The following NKTR variants were observed in gnomAD, a reference collection of about 807,000 sequenced individuals.
The protein encoded by NKTR is natural killer cell triggering receptor, also known as NK-tumor recognition protein.
Under a neutral mutation model 156.3 loss-of-function variants are expected in NKTR, and 67 were observed. The observed-to-expected ratio is 0.43, with a 90% CI of 0.35 to 0.53. The LOEUF (loss-of-function observed/expected upper bound fraction) is 0.53, where lower values mean the gene tolerates loss of function less well. Ranked by LOEUF, NKTR falls within the 20% of genes least tolerant of loss-of-function variation. NKTR has a pLI of 0.01. For synonymous variants in NKTR, 640 were observed against 596.6 expected (o/e 1.07, Z -1.06); for missense variants, 1,604 against 1,730.9 (o/e 0.93, Z 1.30).
intron 2 of NKTR, chr3:42,603,025 CAAAA>C (rs35896209): frequency 3.9e-5 from 4 of 102,738 alleles, no homozygotes; most frequent in East Asian, 2.4e-4. Context: ...GACCCTGTCT[CAAAA>C]AAAAAAAAAA....
intron 2 of NKTR, among the ~76,000 whole-genome samples, chr3:42,610,776 T>G (rs1356149880): frequency 6.6e-6 from 1 of 152,166 alleles, no homozygotes; most frequent in African/African-American, 2.4e-5. Context: ...TTCAAAAAAA[T>G]TAAGCTTTTC....
chr3:42,617,605 T>C lies in NKTR; in HGVS notation c.94T>C (p.Cys32Arg). 1 of 1,606,402 alleles carries C rather than the reference T, an allele frequency of 6.2e-7. No homozygotes were observed. The highest frequency in any genetic ancestry group is 8.5e-7 in the Non-Finnish European group (1 of 1,173,252). The change falls in exon 3 of 17, where the codon TGT becomes CGT. Residue 32 changes from cysteine (C) to arginine (R), a missense_variant. By Grantham distance (180) the Cys-to-Arg change is radical. This residue lies in a region of NKTR where 73 missense variants were observed against 90.7 expected (regional missense o/e 0.80). Transcript: ENST00000232978. ...RIMFQLFSDI[C>R]PKTCKNFLCL... is the part of the protein sequence containing the mutation. The stretch of plus-strand genomic sequence containing the variant: ...TATGTTTCAGCTCTTCTCAGACATA[T>C]GTCCAAAAACATGCAAAAACTTCCT...
At chr3:42,620,082 G>T (rs760849991) in intron 5 of NKTR, 2 of 1,531,918 alleles carry the variant, frequency 1.3e-6, no homozygotes, top group Non-Finnish European at 1.7e-6. Context: ...CTCCAATTCT[G>T]TTCCCTTGCA....
At chr3:42,633,024 C>T (rs1462887071) in intron 9 of NKTR, 30 of 1,262,714 alleles carry the variant, frequency 2.4e-5, no homozygotes, top group African/African-American at 6.2e-5. Context: ...TTTCAGTTTT[C>T]GGGTGAAAAT....
rs2125830668 is a variant in NKTR, at chr3:42,646,302, A to G, written c.*327A>G. On this transcript the variant is annotated 3_prime_UTR_variant, in exon 17 of 17. Transcript: ENST00000232978. The stretch of plus-strand genomic sequence containing the variant: ...CACTCTATCTTACGTATCCCTTAGA[A>G]TACAGATTCTTTTTGCCTGTTTTTC... 2 of 224,178 alleles carry G rather than the reference A, an allele frequency of 8.9e-6. No individual in the cohort carries two copies. The highest frequency in any genetic ancestry group is 1.1e-4 in the East Asian group (1 of 9,458). The allele number at this position is 224,178 out of a possible 1,614,324, so 13.9% of individuals were successfully genotyped here. A position where few individuals can be genotyped will look rare whatever the true frequency, so the allele number is the denominator to read the frequency against.
rs758424745 is a variant in NKTR at position 42,644,034 on chromosome 3, G to T, written c.4301+31G>T. 21 of 1,480,212 alleles carry T rather than the reference G, an allele frequency of 1.4e-5. No homozygotes were observed. In the South Asian group the frequency reaches 2.3e-4, roughly 16 times the overall value. 91.7% of individuals were successfully genotyped at this position (1,480,212 alleles called of 1,614,324 possible). A position where few individuals can be genotyped will look rare whatever the true frequency, so the allele number is the denominator to read the frequency against. ...TCTCTCTCCTTTATCGTCCTTTATC[G>T]CACTGTAGGCCACGGTGGGCACTTG... On this transcript the variant is annotated intron_variant, in intron 16 of 16. Coordinates refer to ENST00000232978, the MANE Select transcript of NKTR (RefSeq NM_005385.4).
At chr3:42,632,146 T>C (rs2125806979) in intron 8 of NKTR, among the ~76,000 whole-genome samples, 1 of 143,678 alleles carries the variant, frequency 7.0e-6, no homozygotes, top group East Asian at 2.3e-4. Context: ...CTCGGCTCAC[T>C]GCAACCTCTG....
intron 6 of NKTR, among the ~76,000 whole-genome samples, chr3:42,622,261 A>G (rs1707987638): frequency 1.3e-5 from 2 of 152,070 alleles, no homozygotes; most frequent in Admixed American, 1.3e-4. Flanking sequence ...TTTTAGTTAT[A>G]TTCTTATCTA....
chr3:42,639,657 G>A lies in NKTR; in HGVS notation c.3953G>A (p.Arg1318Gln), dbSNP rs1434684415. ...CAGTCCAGGAGTCCAAGTAGATCTC[G>A]AAGTAAATCTGAAACCAAATCAAGA... ...DSQSRSPSRS[R>Q]SKSETKSRHR... The change falls in exon 13 of 17, where the codon CGA (arginine) becomes CAA (glutamine). Residue 1318 changes from arginine (R) to glutamine (Q), a missense_variant. By Grantham distance (43) the Arg-to-Gln change is conservative. Coordinates refer to ENST00000232978, the MANE Select transcript of NKTR (RefSeq NM_005385.4). 6.2e-6 allele frequency: 10 copies of A among 1,613,912 alleles called. No homozygotes were observed. Among genetic ancestry groups the A allele is most frequent in the East Asian group, 2.2e-5 (1 of 44,888 alleles).
In NKTR at chr3:42,605,997, G is replaced by C. The variant is rs909725023; in HGVS notation, c.58+4933G>C. Among the ~76,000 whole-genome samples the C allele has an allele frequency of 2.0e-5, 3 of 152,154 alleles. No homozygotes were observed. In the East Asian group the frequency reaches 5.8e-4, roughly 29 times the overall value. ...GTTTGGTATAACAATCGGATAAGCA[G>C]GTGGGGAAGAGTGGCGTGGGAGAGA... On this transcript the variant is annotated intron_variant, in intron 2 of 16. Coordinates refer to ENST00000232978, the MANE Select transcript of NKTR (RefSeq NM_005385.4).
Position 42,648,033 on chromosome 3 carries a change from T to C in NKTR, c.*2058T>C, listed in dbSNP as rs1181242185. On this transcript the variant is annotated 3_prime_UTR_variant, in exon 17 of 17. Transcript: ENST00000232978. ...TGGCGGAATTCAGTTCTTTGCTGGC[T>C]CTCAGCTGGAGGCCCCTCTCTCACC... The C allele has an allele frequency of 1.3e-5, 2 of 152,196 alleles. No homozygotes were observed. The highest frequency in any genetic ancestry group is 6.5e-5 in the Admixed American group (1 of 15,268). 9.4% of individuals were successfully genotyped at this position (152,196 alleles called of 1,614,324 possible).
chr3:42,622,445 A>AATGAATGAGT (rs1366177419), intron 6 of NKTR, among the ~76,000 whole-genome samples: 1 of 152,050 alleles, frequency 6.6e-6, no homozygotes, highest in Non-Finnish European at 1.5e-5. Flanking sequence ...CATCTTTCTG[A>AATGAATGAGT]ATGAATGAGT....
intron 16 of NKTR, among the ~76,000 whole-genome samples, chr3:42,645,280 C>G (rs1710253857): frequency 6.6e-6 from 1 of 152,094 alleles, no homozygotes; most frequent in Non-Finnish European, 1.5e-5. Context: ...TTTTTGTGGT[C>G]CCAGCATTTG....
chr3:42,627,621 CT>C, intron 6 of NKTR: 1 of 985,072 alleles, frequency 1.0e-6, no homozygotes, highest in Non-Finnish European at 1.2e-6. Flanking sequence ...GCTTAAATAC[CT>C]TGCACACATG....
chr3:42,614,777 A>G (rs1369963305), intron 2 of NKTR, among the ~76,000 whole-genome samples: 4 of 152,220 alleles, frequency 2.6e-5, no homozygotes, highest in Non-Finnish European at 5.9e-5. Flanking sequence ...GAAAGTCTCA[A>G]CTAATGTCTG....
At position 42,647,617 on chromosome 3, in the gene NKTR, G is replaced by T. The variant is rs67533173; in HGVS notation, c.*1642G>T. The stretch of plus-strand genomic sequence containing the variant: ...AGACAGAAAGTACATTAGAAAACAG[G>T]ACTTAGGCCAAACAAACAATACTGG... On this transcript the variant is annotated 3_prime_UTR_variant, in exon 17 of 17. Coordinates refer to ENST00000232978, the MANE Select transcript of NKTR (RefSeq NM_005385.4). 0.17 allele frequency: 26,014 copies of T among 151,922 alleles called. 2,694 individuals are homozygous for T. Among genetic ancestry groups the T allele is most frequent in the African/African-American group, 0.29 (11,994 of 41,364 alleles). 9.4% of individuals were successfully genotyped at this position (151,922 alleles called of 1,614,324 possible).
At position 42,646,043 on chromosome 3, in the gene NKTR, C is replaced by T. The variant is rs112994830; in HGVS notation, c.*68C>T. 1.1e-5 allele frequency: 12 copies of T among 1,134,902 alleles called. No homozygotes were observed. In the African/African-American group the frequency reaches 1.2e-4, roughly 12 times the overall value. The allele number at this position is 1,134,902 out of a possible 1,614,324, so 70.3% of individuals were successfully genotyped here. The stretch of plus-strand genomic sequence containing the variant: ...CAACTTAGCTTAAGAAATGTAATGA[C>T]AGTCTGTTGTTCTATTTCAATATCA... On this transcript the variant is annotated 3_prime_UTR_variant, in exon 17 of 17. Coordinates refer to ENST00000232978, the MANE Select transcript of NKTR (RefSeq NM_005385.4).
At chr3:42,605,199 G>GTA (rs1706120644) in intron 2 of NKTR, among the ~76,000 whole-genome samples, 1 of 152,096 alleles carries the variant, frequency 6.6e-6, no homozygotes, top group Admixed American at 6.5e-5. Flanking sequence ...TGTTTACATG[G>GTA]TATATCATTT....
At chr3:42,632,931 A>T in intron 9 of NKTR, 108 bp downstream of exon 9, 1 of 1,323,010 alleles carries the variant, frequency 7.6e-7, no homozygotes, top group Non-Finnish European at 9.7e-7. Flanking sequence ...TTGAAAAAGG[A>T]TAGCACTTTT....
Sources: allele counts gnomAD v4.1 joint callset (sites outside exome capture counted in the v4.1 genomes callset), GRCh38; gene constraint gnomAD v4.1.1; regional missense constraint gnomAD v4.1.1; transcripts MANE v1.5; gene names NCBI Gene and HGNC (gene_info 2026-07-23, HGNC 2026-07-21).